KCNG2: variants seen among roughly 807,000 people sequenced by gnomAD.
KCNG2 encodes the protein voltage-gated potassium channel regulatory subunit KCNG2.
KCNG2 carries 7 observed loss-of-function variants against 12.3 expected under a neutral mutation model. The ratio of observed to expected loss-of-function variants is 0.57; its 90% CI spans 0.32 to 1.07. KCNG2 has a LOEUF of 1.07. KCNG2 is among the 50% of genes least tolerant of loss of function. The probability of loss-of-function intolerance (pLI) is 0.04; values close to 1 mark genes in which losing one functional copy is unlikely to be tolerated. For synonymous variants in KCNG2, 414 were observed against 351.4 expected, an observed-to-expected ratio of 1.18 and a Z score of -1.99; for missense variants, 703 against 726.0, an observed-to-expected ratio of 0.97 and a Z score of 0.36.
chr18:79,879,294 C>G (rs527428565), intron 3 of KCNG2, among the ~76,000 whole-genome samples: 133 of 152,316 alleles, frequency 8.7e-4, no homozygotes, highest in African/African-American at 2.9e-3. Context: ...CAGTGGTTGG[C>G]AAGCCCCACC....
rs755547492 is a variant in KCNG2, at chr18:79,864,200, T to C, written c.533T>C (p.Leu178Pro). 1.7e-5 allele frequency: 26 copies of C among 1,537,894 alleles called. No homozygotes were observed. Among genetic ancestry groups the C allele is most frequent in the Non-Finnish European group, 2.1e-5 (24 of 1,146,854 alleles). ...CCGCACTCGGGGCTGGCGGGCAAGC[T>C]CTTCGCCTGCGTGTCCGTGTCCTTC... The part of the protein sequence containing the change: ...DNPHSGLAGK[L>P]FACVSVSFVA... Residue 178 changes from leucine to proline, a missense_variant, in exon 3 of 4, where the codon CTC becomes CCC. Transcript: ENST00000316249.
intron 3 of KCNG2, among the ~76,000 whole-genome samples, chr18:79,870,487 C>T (rs536002436): frequency 3.3e-5 from 5 of 152,172 alleles, no homozygotes; most frequent in African/African-American, 4.8e-5. Flanking sequence ...CAGAGCTGCG[C>T]GCTCCCTCTG....
At chr18:79,895,770 C>CT (rs1207620523) in intron 3 of KCNG2, among the ~76,000 whole-genome samples, 2 of 151,874 alleles carry the variant, frequency 1.3e-5, no homozygotes, top group South Asian at 4.1e-4. Context: ...GGATCTGTGT[C>CT]TGCTTTTCAT....
At position 79,803,578 on chromosome 18, in the gene KCNG2, G is replaced by C. The variant is rs1289995028; in HGVS notation, c.-115+5564G>C. 6.6e-6 allele frequency among the ~76,000 whole-genome samples: 1 copy of C among 152,188 alleles called. No homozygotes were observed. Among genetic ancestry groups the C allele is most frequent in the Non-Finnish European group, 1.5e-5 (1 of 68,032 alleles). Reference sequence around the variant, plus strand: ...GACGAGGGGGCCTGTGATTCTGGGGGCTCCGATCGTGTTTCTTCCCTGAGA... The same window carrying C: ...GACGAGGGGGCCTGTGATTCTGGGGCCTCCGATCGTGTTTCTTCCCTGAGA... On this transcript the variant is annotated intron_variant, in intron 1 of 3. Transcript: ENST00000316249. The surrounding 1 kb of genome is among the most constrained non-coding windows in gnomAD (Gnocchi z 4.5).
In KCNG2 at chr18:79,801,096, TCTC is replaced by T. The variant is rs746628778; in HGVS notation, c.-115+3083_-115+3085del. Among the ~76,000 whole-genome samples the T allele has an allele frequency of 1.6e-3, 243 of 152,190 alleles. 9 individuals are homozygous for T. The highest frequency in any genetic ancestry group is 4.9e-4 in the Non-Finnish European group (33 of 68,032). ...TGCCGGGCAGGGCTTTAACTGCTGG[TCTC>T]TGATCCCCGCCACGTCAGATGAGAG... On this transcript the variant is annotated intron_variant, in intron 1 of 3. Coordinates refer to ENST00000316249, the MANE Select transcript of KCNG2 (RefSeq NM_012283.2).
chr18:79,873,959 C>A (rs2123095857), intron 3 of KCNG2, among the ~76,000 whole-genome samples: 1 of 152,342 alleles, frequency 6.6e-6, no homozygotes, highest in Admixed American at 6.5e-5. Flanking sequence ...ACGTTTCGGG[C>A]CACTTCGGGC....
At chr18:79,871,630 GC>G (rs1979835721) in intron 3 of KCNG2, among the ~76,000 whole-genome samples, 1 of 152,182 alleles carries the variant, frequency 6.6e-6, no homozygotes, top group Admixed American at 6.5e-5. Context: ...CCAGCCGGTG[GC>G]CCCCCGCGTC....
intron 3 of KCNG2, among the ~76,000 whole-genome samples, chr18:79,872,807 T>G (rs1336560507): frequency 6.6e-6 from 1 of 152,204 alleles, no homozygotes; most frequent in African/African-American, 2.4e-5. Flanking sequence ...TTAAGTTGAA[T>G]AATTTACGTG....
At chr18:79,801,477 C>T (rs2087409351) in intron 1 of KCNG2, among the ~76,000 whole-genome samples, 1 of 152,248 alleles carries the variant, frequency 6.6e-6, no homozygotes, top group Non-Finnish European at 1.5e-5. Context: ...CACCCTTCAC[C>T]CAGGCCCGGC....
chr18:79,864,311 G>T lies in KCNG2; in HGVS notation c.624+20G>T. On this transcript the variant is annotated intron_variant, in intron 3 of 3. Transcript: ENST00000316249. ...GAGCGGGTGAGCGCGGCCGGGGGTG[G>T]CGGGGACCGGGCCGGAGCTGGGGCT... 6.6e-7 allele frequency: 1 copy of T among 1,504,098 alleles called. No individual in the cohort carries two copies. The highest frequency in any genetic ancestry group is 2.4e-4 in the Middle Eastern group (1 of 4,220). 93.2% of individuals were successfully genotyped at this position (1,504,098 alleles called of 1,614,324 possible).
At chr18:79,835,322 A>T (rs982773722) in intron 1 of KCNG2, among the ~76,000 whole-genome samples, 1 of 152,260 alleles carries the variant, frequency 6.6e-6, no homozygotes, top group Non-Finnish European at 1.5e-5. Flanking sequence ...GAATTTGGTG[A>T]AAAGGACAGT....
At chr18:79,867,120 T>TGG (rs1979619717) in intron 3 of KCNG2, among the ~76,000 whole-genome samples, 13 of 150,984 alleles carry the variant, frequency 8.6e-5, no homozygotes, top group African/African-American at 2.9e-4. Flanking sequence ...CTGAGAGGTC[T>TGG]GTGTGCTGAG....
In KCNG2 at chr18:79,868,453, G is replaced by A. The variant is rs563436884; in HGVS notation, c.624+4162G>A. Among the ~76,000 whole-genome samples the A allele has an allele frequency of 3.9e-4, 59 of 152,318 alleles. 1 individual carries two copies. Among genetic ancestry groups the A allele is most frequent in the South Asian group, 2.1e-4 (1 of 4,830 alleles). Reference sequence around the variant, plus strand: ...GCATGGGGCCTGGTGACCCGTGTCCGAGCGTTGCAGCTGCTGCTGACTGAC... The same window carrying A: ...GCATGGGGCCTGGTGACCCGTGTCCAAGCGTTGCAGCTGCTGCTGACTGAC... On this transcript the variant is annotated intron_variant, in intron 3 of 3. Transcript: ENST00000316249.
intron 3 of KCNG2, among the ~76,000 whole-genome samples, chr18:79,889,264 G>GT (rs1980663372): frequency 6.6e-6 from 1 of 152,122 alleles, no homozygotes; most frequent in Non-Finnish European, 1.5e-5. Flanking sequence ...CTAAAGTTCT[G>GT]TAACTTTAGC....
intron 1 of KCNG2, among the ~76,000 whole-genome samples, chr18:79,838,554 G>C (rs1978370213): frequency 6.6e-6 from 1 of 152,056 alleles, no homozygotes; most frequent in Admixed American, 6.5e-5. Flanking sequence ...GGGACCAAAG[G>C]TGTGCACCAC....
chr18:79,834,539 G>A (rs529749834), intron 1 of KCNG2, among the ~76,000 whole-genome samples: 2 of 152,320 alleles, frequency 1.3e-5, no homozygotes, highest in South Asian at 2.1e-4. Flanking sequence ...AAGTGGGACC[G>A]GGGTCCACCG....
chr18:79,831,614 G>A lies in KCNG2; in HGVS notation c.-114-24765G>A, dbSNP rs369886193. Among the ~76,000 whole-genome samples, 21 of 120,044 alleles carry A rather than the reference G, an allele frequency of 1.7e-4. 1 individual carries two copies. The highest frequency in any genetic ancestry group is 6.2e-4 in the African/African-American group (19 of 30,754). 78.8% of individuals were successfully genotyped at this position (120,044 alleles called of 152,430 possible). ...TGCGTACAGAGCCTTCGTCAGGAGC[G>A]TGCCCTGCGTACAGAGCCTTCGTCA... On this transcript the variant is annotated intron_variant, in intron 1 of 3. Coordinates refer to ENST00000316249, the MANE Select transcript of KCNG2 (RefSeq NM_012283.2).
In KCNG2 at chr18:79,828,309, G is replaced by A. The variant is rs192111951; in HGVS notation, c.-114-28070G>A. ...CGTGCGTGTGCATGTGCATATGTGT[G>A]CACACTGCGTCATTGCATGTCTGCC... On this transcript the variant is annotated intron_variant, in intron 1 of 3. Coordinates refer to ENST00000316249, the MANE Select transcript of KCNG2 (RefSeq NM_012283.2). Among the ~76,000 whole-genome samples, 6 of 152,370 alleles carry A rather than the reference G, an allele frequency of 3.9e-5. No homozygotes were observed. In the East Asian group the frequency reaches 1.2e-3, roughly 29 times the overall value.
chr18:79,822,408 T>C lies in KCNG2; in HGVS notation c.-115+24394T>C. Among the ~76,000 whole-genome samples, 1 of 152,180 alleles carries C rather than the reference T, an allele frequency of 6.6e-6. No homozygotes were observed. Among genetic ancestry groups the C allele is most frequent in the East Asian group, 1.9e-4 (1 of 5,194 alleles). ...CTGTAATAGCTCTCCAGTTTGTTTT[T>C]CGTTTTTGTTTTTCACAATATTGAT... On this transcript the variant is annotated intron_variant, in intron 1 of 3. Coordinates refer to ENST00000316249, the MANE Select transcript of KCNG2 (RefSeq NM_012283.2). The surrounding 1 kb of genome is among the most constrained non-coding windows in gnomAD (Gnocchi z 4.4).
Sources: gnomAD v4.1 joint callset for allele counts (sites outside exome capture counted in the v4.1 genomes callset) on GRCh38, gnomAD v4.1.1 for gene constraint, Gnocchi (gnomAD v3.1) non-coding constraint, MANE v1.5 for transcripts, NCBI Gene and HGNC (gene_info 2026-07-23, HGNC 2026-07-21) for gene names.